The following FSTL5 variants were observed in gnomAD, a reference collection of about 807,000 sequenced individuals.
FSTL5 encodes the protein follistatin-related protein 5.
Under a neutral mutation model 89.1 loss-of-function variants are expected in FSTL5, and 62 were observed. That is an observed-to-expected ratio of 0.70 (90% CI 0.57 to 0.86). The LOEUF is 0.86. FSTL5 is among the 40% of genes least tolerant of loss of function. The pLI is 0.00. For synonymous variants in FSTL5, 383 were observed against 346.2 expected (o/e 1.11, Z -1.18); for missense variants, 1,057 against 1,001.6 (o/e 1.06, Z -0.75).
At chr4:162,028,970 C>T (rs954627656) in intron 3 of FSTL5, among the ~76,000 whole-genome samples, 3 of 152,146 alleles carry the variant, frequency 2.0e-5, no homozygotes, top group Non-Finnish European at 4.4e-5. Context: ...TTGGAGTTCA[C>T]TATTTCCATT....
intron 2 of FSTL5, among the ~76,000 whole-genome samples, chr4:162,072,249 A>C (rs1729655866): frequency 6.6e-6 from 1 of 151,822 alleles, no homozygotes; most frequent in Non-Finnish European, 1.5e-5. Flanking sequence ...TTTCCTTCAC[A>C]TCTGCAAAGC....
At chr4:161,448,909 C>T (rs1322836836) in intron 15 of FSTL5, among the ~76,000 whole-genome samples, 1 of 152,088 alleles carries the variant, frequency 6.6e-6, no homozygotes, top group Non-Finnish European at 1.5e-5. Context: ...TCCTGATTTA[C>T]CCTAGGGTAT....
intron 4 of FSTL5, among the ~76,000 whole-genome samples, chr4:161,809,558 T>G (rs913434876): frequency 2.0e-5 from 3 of 152,222 alleles, no homozygotes; most frequent in African/African-American, 7.2e-5. Flanking sequence ...GTAGCATTAT[T>G]CACAACAGCC....
intron 2 of FSTL5, among the ~76,000 whole-genome samples, chr4:162,045,313 G>C (rs1285812067): frequency 6.6e-6 from 1 of 152,066 alleles, no homozygotes; most frequent in Non-Finnish European, 1.5e-5. Flanking sequence ...GTAACAGCCG[G>C]TCTGGCAGAG....
intron 6 of FSTL5, among the ~76,000 whole-genome samples, chr4:161,659,990 G>A (rs1486084503): frequency 6.6e-6 from 1 of 152,052 alleles, no homozygotes; most frequent in African/African-American, 2.4e-5. Context: ...GAGTCACCTG[G>A]TGCCCTAGCA....
At chr4:161,420,715 A>G (rs896218674) in intron 15 of FSTL5, among the ~76,000 whole-genome samples, 4 of 151,174 alleles carry the variant, frequency 2.6e-5, no homozygotes, top group Admixed American at 1.3e-4. Flanking sequence ...AATACCATTC[A>G]TATTGAATAT....
intron 3 of FSTL5, among the ~76,000 whole-genome samples, chr4:161,949,348 C>T (rs1415161317): frequency 6.6e-6 from 1 of 152,096 alleles, no homozygotes; most frequent in African/African-American, 2.4e-5. Context: ...CGGACAGAAA[C>T]ATCTTTGGGG....
intron 6 of FSTL5, among the ~76,000 whole-genome samples, chr4:161,676,521 G>A (rs1459864783): frequency 6.6e-6 from 1 of 152,044 alleles, no homozygotes; most frequent in Non-Finnish European, 1.5e-5. Context: ...GGGACTAGGG[G>A]AGGGATAGCA....
intron 5 of FSTL5, among the ~76,000 whole-genome samples, chr4:161,764,234 A>G (rs1191222313): frequency 6.6e-6 from 1 of 152,182 alleles, no homozygotes; most frequent in Non-Finnish European, 1.5e-5. Context: ...TATATAACAA[A>G]TGCTATCCTA....
intron 12 of FSTL5, among the ~76,000 whole-genome samples, chr4:161,487,295 G>A (rs563666079): frequency 1.3e-5 from 2 of 152,134 alleles, no homozygotes; most frequent in Non-Finnish European, 2.9e-5. Flanking sequence ...CAATCACGAT[G>A]TTAAACACTA....
intron 13 of FSTL5, among the ~76,000 whole-genome samples, chr4:161,469,824 A>G (rs1430019110): frequency 6.6e-6 from 1 of 151,770 alleles, no homozygotes; most frequent in Non-Finnish European, 1.5e-5. Flanking sequence ...GTTTGATTTT[A>G]GTAGAGACGG....
intron 7 of FSTL5, among the ~76,000 whole-genome samples, chr4:161,655,005 TA>T (rs1736466741): frequency 6.6e-6 from 1 of 152,132 alleles, no homozygotes. Flanking sequence ...TCCAAATTTC[TA>T]AAAATGAGCC....
intron 7 of FSTL5, among the ~76,000 whole-genome samples, chr4:161,647,627 T>C (rs574814470): frequency 6.6e-6 from 1 of 152,096 alleles, no homozygotes; most frequent in South Asian, 2.1e-4. Context: ...ATCATGCTGA[T>C]AGTTGACATA....
intron 15 of FSTL5, chr4:161,388,232 T>A (rs1360106812): frequency 6.6e-6 from 1 of 152,066 alleles, no homozygotes; most frequent in Admixed American, 6.6e-5. Flanking sequence ...CTTTTCTGTG[T>A]CCTTAATAAA....
intron 1 of FSTL5, among the ~76,000 whole-genome samples, chr4:162,160,817 GAAAAC>G (rs1272410674): frequency 3.4e-5 from 5 of 148,438 alleles, no homozygotes; most frequent in Non-Finnish European, 6.0e-5. Context: ...TTAGTAACTA[GAAAAC>G]AAAACAAAAC....
intron 2 of FSTL5, among the ~76,000 whole-genome samples, chr4:162,066,357 TTCTTCTTCTTCTTCTC>T (rs1374097731): frequency 0.016 from 2,201 of 141,008 alleles, 36 homozygotes; most frequent in South Asian, 0.044. Context: ...CTTCTTCTCC[TTCTTCTTCTTCTTCTC>T]CTTCTTCTTC....
At chr4:161,858,119 GC>G (rs1174935057) in intron 4 of FSTL5, among the ~76,000 whole-genome samples, 4 of 152,034 alleles carry the variant, frequency 2.6e-5, no homozygotes, top group African/African-American at 9.7e-5. Context: ...CAGGATGAGG[GC>G]CCTTATATTA....
chr4:161,534,291 T>C (rs1021423601), intron 10 of FSTL5, among the ~76,000 whole-genome samples: 11 of 152,064 alleles, frequency 7.2e-5, no homozygotes, highest in Non-Finnish European at 5.9e-5. Flanking sequence ...AGTCAAAGTA[T>C]CTCTCTTTGC....
intron 4 of FSTL5, among the ~76,000 whole-genome samples, chr4:161,867,563 AGT>A (rs963333425): frequency 6.6e-6 from 1 of 151,786 alleles, no homozygotes; most frequent in Non-Finnish European, 1.5e-5. Context: ...ATGAAAAATA[AGT>A]GTGTTAATTT....
Sources: allele counts gnomAD v4.1 joint callset (sites outside exome capture counted in the v4.1 genomes callset), GRCh38; gene constraint gnomAD v4.1.1; transcripts MANE v1.5; gene names NCBI Gene and HGNC (gene_info 2026-07-23, HGNC 2026-07-21).